The following HHAT variants were observed in gnomAD, a reference collection of about 807,000 sequenced individuals.
The protein encoded by HHAT is protein-cysteine N-palmitoyltransferase HHAT.
HHAT carries 47 observed loss-of-function variants against 70.8 expected under a neutral mutation model. The observed-to-expected ratio is 0.66, with a 90% CI of 0.53 to 0.85. The LOEUF (loss-of-function observed/expected upper bound fraction) is 0.85. Ranked by LOEUF, HHAT falls within the 40% of genes least tolerant of loss-of-function variation. The pLI, the probability that HHAT is intolerant of heterozygous loss-of-function variation, is 0.00. For missense variants in HHAT, 609 were observed against 604.8 expected, an observed-to-expected ratio of 1.01 and a Z score of -0.07; for synonymous variants, 228 against 247.6, an observed-to-expected ratio of 0.92 and a Z score of 0.74.
chr1:210,336,315 A>T (rs1326497349), intron 1 of HHAT, among the ~76,000 whole-genome samples: 2 of 40,000 alleles, frequency 5.0e-5, no homozygotes, highest in African/African-American at 2.8e-4. Flanking sequence ...TTTTTTAGAG[A>T]CAGGGTCTTA....
chr1:210,635,389 C>T (rs1205200237), intron 11 of HHAT, among the ~76,000 whole-genome samples: 1 of 152,164 alleles, frequency 6.6e-6, no homozygotes, highest in South Asian at 2.1e-4. Context: ...GCACTTCATC[C>T]TTAGTAGGCT....
At chr1:210,532,879 G>A (rs1377412432) in intron 9 of HHAT, among the ~76,000 whole-genome samples, 1 of 152,208 alleles carries the variant, frequency 6.6e-6, no homozygotes, top group African/African-American at 2.4e-5. Context: ...GTCCTAGGGG[G>A]CAATGTGGAG....
chr1:210,460,580 G>A lies in HHAT; in HGVS notation c.857-3925G>A, dbSNP rs989403673. On this transcript the variant is annotated intron_variant, in intron 7 of 11. Transcript: ENST00000261458. ...ACATTCTTTTCTCTTTTAACAGACC[G>A]TAACACTCTATAAGGGCTGTTAGCA... 3.3e-5 allele frequency among the ~76,000 whole-genome samples: 5 copies of A among 152,086 alleles called. No individual in the cohort carries two copies. The South Asian group carries it at 6.2e-4, about 19-fold the overall frequency.
intron 3 of HHAT, among the ~76,000 whole-genome samples, chr1:210,387,242 ATC>A (rs1284372220): frequency 4.6e-5 from 7 of 152,310 alleles, no homozygotes; most frequent in Non-Finnish European, 1.0e-4. Context: ...GGCAATGGCA[ATC>A]ATTCCGGTTA....
chr1:210,499,544 G>A (rs1326992111), intron 8 of HHAT, among the ~76,000 whole-genome samples: 1 of 152,134 alleles, frequency 6.6e-6, no homozygotes, highest in Non-Finnish European at 1.5e-5. Context: ...TCGGGAGGCT[G>A]AAGCATGAGA....
intron 9 of HHAT, among the ~76,000 whole-genome samples, chr1:210,524,623 GC>G (rs1424361251): frequency 6.6e-6 from 1 of 152,202 alleles, no homozygotes; most frequent in Non-Finnish European, 1.5e-5. Context: ...TGTGATAGGA[GC>G]ACTTGAAGGG....
intron 9 of HHAT, among the ~76,000 whole-genome samples, chr1:210,538,638 A>G (rs2095398764): frequency 6.6e-6 from 1 of 152,210 alleles, no homozygotes; most frequent in African/African-American, 2.4e-5. Flanking sequence ...CATTGTAGAA[A>G]AGGAGATACA....
chr1:210,589,818 A>G (rs1258064906), intron 10 of HHAT: 1 of 152,172 alleles, frequency 6.6e-6, no homozygotes, highest in Non-Finnish European at 1.5e-5. Context: ...GCTCCATCAC[A>G]CCTTGCTCCA....
chr1:210,584,385 G>A (rs575549537), intron 9 of HHAT, among the ~76,000 whole-genome samples: 13 of 152,132 alleles, frequency 8.5e-5, no homozygotes, highest in African/African-American at 3.1e-4. Context: ...TTTGCAATAG[G>A]TTTGATTACC....
At chr1:210,579,164 A>G (rs1658610146) in intron 9 of HHAT, among the ~76,000 whole-genome samples, 1 of 152,152 alleles carries the variant, frequency 6.6e-6, no homozygotes, top group Non-Finnish European at 1.5e-5. Flanking sequence ...GAGGGAGAGA[A>G]TCAGGAAAAA....
At chr1:210,673,891 T>C (rs1477679567) in intron 11 of HHAT, among the ~76,000 whole-genome samples, 2 of 151,580 alleles carry the variant, frequency 1.3e-5, no homozygotes, top group South Asian at 4.2e-4. Flanking sequence ...CACCTCAGCC[T>C]TCCAAAGTGC....
intron 3 of HHAT, among the ~76,000 whole-genome samples, chr1:210,381,579 C>A (rs1048148315): frequency 1.1e-4 from 17 of 152,112 alleles, no homozygotes; most frequent in African/African-American, 4.1e-4. Flanking sequence ...CTGCACCCGG[C>A]CTCAAATCAT....
intron 7 of HHAT, among the ~76,000 whole-genome samples, chr1:210,444,355 C>T (rs907077488): frequency 1.4e-5 from 2 of 141,424 alleles, no homozygotes; most frequent in Admixed American, 1.4e-4. Context: ...ATGATGCTGG[C>T]CTCATAAAAT....
intron 1 of HHAT, among the ~76,000 whole-genome samples, chr1:210,340,019 T>G (rs1244846917): frequency 4.0e-5 from 6 of 151,790 alleles, no homozygotes; most frequent in Admixed American, 2.6e-4. Context: ...TAGTATTATG[T>G]GGGTTGAAGA....
At chr1:210,569,524 A>G (rs1158011947) in intron 9 of HHAT, among the ~76,000 whole-genome samples, 2 of 151,962 alleles carry the variant, frequency 1.3e-5, no homozygotes, top group Admixed American at 1.3e-4. Context: ...GTAATGTACA[A>G]TTACATTTTT....
At chr1:210,632,663 A>T (rs80135505) in intron 11 of HHAT, among the ~76,000 whole-genome samples, 5,764 of 152,320 alleles carry the variant, frequency 0.038, 168 homozygotes, top group Middle Eastern at 0.085. Flanking sequence ...GTTCGATTTT[A>T]CAAGCTGCTC....
intron 9 of HHAT, among the ~76,000 whole-genome samples, chr1:210,549,012 C>T (rs1482461850): frequency 6.6e-6 from 1 of 152,218 alleles, no homozygotes; most frequent in East Asian, 1.9e-4. Flanking sequence ...TTCTTAAGAA[C>T]ATGGATTCTG....
chr1:210,551,378 GAC>G (rs1185535167), intron 9 of HHAT, among the ~76,000 whole-genome samples: 1 of 149,052 alleles, frequency 6.7e-6, no homozygotes, highest in Non-Finnish European at 1.5e-5. Flanking sequence ...ACCATTTAGA[GAC>G]AGTGCAGATT....
chr1:210,480,057 T>C (rs2094369342), intron 8 of HHAT, among the ~76,000 whole-genome samples: 2 of 152,204 alleles, frequency 1.3e-5, no homozygotes. Context: ...TTAAGGTTCA[T>C]GTTCTGTTTG....
Sources: gnomAD v4.1 joint callset for allele counts (sites outside exome capture counted in the v4.1 genomes callset) on GRCh38, gnomAD v4.1.1 for gene constraint, MANE v1.5 for transcripts, NCBI Gene and HGNC (gene_info 2026-07-23, HGNC 2026-07-21) for gene names.